Variants in SUGCT observed in about 807,000 individuals in gnomAD.
The protein encoded by SUGCT is succinyl-CoA:glutarate-CoA transferase, also known as succinyl-CoA:glutarate CoA-transferase.
In SUGCT, 41 loss-of-function variants were observed where a neutral mutation model predicts 55.0. The ratio of observed to expected loss-of-function variants is 0.74; its 90% CI spans 0.58 to 0.97. SUGCT has a LOEUF of 0.97. Among genes scored for constraint, SUGCT ranks in the 50% least tolerant of loss-of-function variants. The pLI, the probability that SUGCT is intolerant of heterozygous loss-of-function variation, is 0.00. For missense variants in SUGCT, 568 were observed against 547.8 expected, an observed-to-expected ratio of 1.04 and a Z score of -0.37; for synonymous variants, 187 against 200.4, an observed-to-expected ratio of 0.93 and a Z score of 0.56.
At chr7:40,728,468 G>A (rs1254508482) in intron 12 of SUGCT, among the ~76,000 whole-genome samples, 2 of 152,060 alleles carry the variant, frequency 1.3e-5, no homozygotes, top group Admixed American at 6.6e-5. Flanking sequence ...GCAGTGAGTC[G>A]AGATTGCACC....
chr7:40,720,438 T>C (rs1786266140), intron 12 of SUGCT, among the ~76,000 whole-genome samples: 1 of 152,116 alleles, frequency 6.6e-6, no homozygotes, highest in Non-Finnish European at 1.5e-5. Flanking sequence ...ATTTGAACAG[T>C]TTTAGAATGA....
chr7:40,548,867 A>G (rs536618139), intron 12 of SUGCT, among the ~76,000 whole-genome samples: 1 of 152,266 alleles, frequency 6.6e-6, no homozygotes, highest in Non-Finnish European at 1.5e-5. Flanking sequence ...CACCCAATCC[A>G]TGTCTTCTTA....
intron 9 of SUGCT, among the ~76,000 whole-genome samples, chr7:40,389,711 C>G (rs77359560): frequency 1.3e-5 from 2 of 151,964 alleles, no homozygotes; most frequent in Non-Finnish European, 1.5e-5. Context: ...TTAAGAGAGT[C>G]GATATAAATA....
the SUGCT span, among the ~76,000 whole-genome samples, chr7:40,933,320 T>G: frequency 6.6e-6 from 1 of 152,204 alleles, no homozygotes; most frequent in Non-Finnish European, 1.5e-5. Flanking sequence ...TCTGATGGGC[T>G]TCCCTTTGTG....
At chr7:40,447,033 G>A (rs1788878276) in intron 9 of SUGCT, among the ~76,000 whole-genome samples, 1 of 152,120 alleles carries the variant, frequency 6.6e-6, no homozygotes, top group Admixed American at 6.5e-5. Flanking sequence ...TCAGAGTTGT[G>A]CAACCATCAG....
At chr7:40,467,100 A>C (rs907263932) in intron 11 of SUGCT, among the ~76,000 whole-genome samples, 2 of 151,140 alleles carry the variant, frequency 1.3e-5, no homozygotes, top group African/African-American at 4.9e-5. Context: ...AACTTGGGAG[A>C]CTGAGGCAGG....
At chr7:40,612,587 C>T (rs1798818487) in intron 12 of SUGCT, among the ~76,000 whole-genome samples, 1 of 152,156 alleles carries the variant, frequency 6.6e-6, no homozygotes, top group South Asian at 2.1e-4. Flanking sequence ...GGAATAGCAT[C>T]ACCCTCCTTC....
intron 9 of SUGCT, among the ~76,000 whole-genome samples, chr7:40,404,369 A>G (rs370393520): frequency 1.3e-5 from 2 of 152,052 alleles, no homozygotes; most frequent in Non-Finnish European, 2.9e-5. Context: ...TACCGAGACA[A>G]TGACATTCTC....
the SUGCT span, among the ~76,000 whole-genome samples, chr7:41,006,925 A>G: frequency 6.6e-6 from 1 of 152,210 alleles, no homozygotes; most frequent in African/African-American, 2.4e-5. Flanking sequence ...AGATTGTGAA[A>G]TGATTTCTGT....
At chr7:40,549,082 C>T (rs1027045761) in intron 12 of SUGCT, among the ~76,000 whole-genome samples, 2 of 152,144 alleles carry the variant, frequency 1.3e-5, no homozygotes, top group Admixed American at 6.5e-5. Context: ...TGATGGCCCT[C>T]TTGGAACACT....
At chr7:40,533,288 G>T (rs1380215448) in intron 12 of SUGCT, among the ~76,000 whole-genome samples, 1 of 151,956 alleles carries the variant, frequency 6.6e-6, no homozygotes, top group Non-Finnish European at 1.5e-5. Flanking sequence ...TTGTTAAAGG[G>T]TAGTTCTAAA....
chr7:40,247,262 C>CT lies in SUGCT; in HGVS notation c.576+9543dup, dbSNP rs200355624. On this transcript the variant is annotated intron_variant, in intron 7 of 13. Coordinates refer to ENST00000335693, the MANE Select transcript of SUGCT (RefSeq NM_001193313.2). ...TGCACCAACTCTTGATAATGCAAGT[C>CT]TTTTTTTGTGTGAGACAGAGTCTTG... is the stretch of plus-strand genomic sequence containing the variant. Among the ~76,000 whole-genome samples, 955 of 151,804 alleles carry CT rather than the reference C, an allele frequency of 6.3e-3. 13 individuals carry two copies. The highest frequency in any genetic ancestry group is 0.022 in the African/African-American group (906 of 41,338).
the SUGCT span, among the ~76,000 whole-genome samples, chr7:41,031,983 A>G: frequency 2.0e-5 from 3 of 151,704 alleles, no homozygotes; most frequent in African/African-American, 7.3e-5. Context: ...CCCAGTATCT[A>G]GTAGGGTCTC....
intron 12 of SUGCT, among the ~76,000 whole-genome samples, chr7:40,571,277 G>T (rs773407517): frequency 3.3e-5 from 5 of 152,052 alleles, no homozygotes; most frequent in African/African-American, 4.8e-5. Context: ...TAATATTGAT[G>T]AAAATAAAGT....
intron 9 of SUGCT, among the ~76,000 whole-genome samples, chr7:40,346,536 C>A (rs1186922135): frequency 6.6e-6 from 1 of 152,116 alleles, no homozygotes. Context: ...TATAACTTTT[C>A]TGTGCCTTAG....
rs70996898 is a variant in SUGCT at position 40,255,660 on chromosome 7, CAAAAAAA to C, written c.576+17955_576+17961del. 1.2e-3 allele frequency among the ~76,000 whole-genome samples: 66 copies of C among 54,210 alleles called. 3 individuals carry two copies. The highest frequency in any genetic ancestry group is 5.2e-3 in the African/African-American group (61 of 11,822). The allele number at this position is 54,210 out of a possible 152,430, so 35.6% of individuals were successfully genotyped here. ...TGGGCGGCTGAGTGAGACTCTGTAT[CAAAAAAA>C]AAAAAAAAAAAAAAAAAAAAGAAAA... On this transcript the variant is annotated intron_variant, in intron 7 of 13. Transcript: ENST00000335693.
At chr7:40,239,891 A>G (rs1435779936) in intron 7 of SUGCT, among the ~76,000 whole-genome samples, 1 of 152,202 alleles carries the variant, frequency 6.6e-6, no homozygotes, top group African/African-American at 2.4e-5. Context: ...TAATTAAGTT[A>G]CACATCAACC....
chr7:40,246,546 C>T (rs747326021), intron 7 of SUGCT, among the ~76,000 whole-genome samples: 5 of 150,550 alleles, frequency 3.3e-5, no homozygotes, highest in African/African-American at 9.8e-5. Flanking sequence ...CCACCTCACC[C>T]GGCCTAGTGT....
At chr7:40,197,192 C>A (rs1786340098) in intron 6 of SUGCT, among the ~76,000 whole-genome samples, 2 of 151,942 alleles carry the variant, frequency 1.3e-5, no homozygotes, top group South Asian at 4.2e-4. Flanking sequence ...TGATTCTTGG[C>A]CACTAGATCT....
Sources: allele counts gnomAD v4.1 joint callset (sites outside exome capture counted in the v4.1 genomes callset), GRCh38; gene constraint gnomAD v4.1.1; transcripts MANE v1.5; gene names NCBI Gene and HGNC (gene_info 2026-07-23, HGNC 2026-07-21).